GNB1: variants seen among roughly 807,000 people sequenced by gnomAD.
GNB1 encodes the protein guanine nucleotide-binding protein G(I)/G(S)/G(T) subunit beta-1.
GNB1 carries 2 observed loss-of-function variants against 42.9 expected under a neutral mutation model. The ratio of observed to expected loss-of-function variants is 0.05; its 90% CI spans 0.02 to 0.15. GNB1 has a LOEUF of 0.15. GNB1 is among the 10% of genes least tolerant of loss of function. The pLI is 1.00. For synonymous variants in GNB1, 183 were observed against 174.7 expected, an observed-to-expected ratio of 1.05 and a Z score of -0.38; for missense variants, 193 against 462.2, an observed-to-expected ratio of 0.42 and a Z score of 5.34.
At chr1:1,880,905 A>C (rs1178765552) in intron 1 of GNB1, among the ~76,000 whole-genome samples, 1 of 120,268 alleles carries the variant, frequency 8.3e-6, no homozygotes, top group Non-Finnish European at 1.8e-5. Flanking sequence ...AAGTGGGAAG[A>C]GCATTATCAG....
intron 5 of GNB1, among the ~76,000 whole-genome samples, chr1:1,807,683 C>T (rs1293370763): frequency 6.6e-6 from 1 of 151,628 alleles, no homozygotes; most frequent in African/African-American, 2.4e-5. Flanking sequence ...GAGCAGAGAC[C>T]AGTAACTATC....
intron 5 of GNB1, among the ~76,000 whole-genome samples, chr1:1,814,967 G>A (rs548390561): frequency 2.6e-4 from 40 of 151,824 alleles, no homozygotes; most frequent in Non-Finnish European, 2.7e-4. Flanking sequence ...AAAAAAATTA[G>A]CCAGTGTGGT....
chr1:1,884,745 C>T (rs1185265839), intron 1 of GNB1, among the ~76,000 whole-genome samples: 5 of 151,058 alleles, frequency 3.3e-5, no homozygotes, highest in East Asian at 2.0e-4. Context: ...TGCAGTGGCG[C>T]GATCTCCACT....
In GNB1 at chr1:1,815,360, C is replaced by A. The variant is rs78260311; in HGVS notation, c.203+396G>T. Among the ~76,000 whole-genome samples the A allele has an allele frequency of 1.3e-3, 196 of 152,266 alleles. 1 individual carries two copies. The highest frequency in any genetic ancestry group is 4.5e-3 in the African/African-American group (186 of 41,546). On this transcript the variant is annotated intron_variant, in intron 5 of 11. Coordinates refer to ENST00000378609, the MANE Select transcript of GNB1 (RefSeq NM_002074.5). ...GGTTCTGTGATTTCCTGAGCCAGGG[C>A]ACTGACATCACAAGAGGGCGAGGGC...
In GNB1 at chr1:1,879,872, G is replaced by A. The variant is rs1649746982; in HGVS notation, c.-96+10948C>T. 5.9e-5 allele frequency among the ~76,000 whole-genome samples: 9 copies of A among 152,248 alleles called. No individual in the cohort carries two copies. In the South Asian group the frequency reaches 1.9e-3, roughly 32 times the overall value. Reference sequence around the variant, plus strand: ...ATACACAGTTTTAGCTGAAGTCTAAGAGGAAAATTCAGTCTCACATAGATA... The same window carrying A: ...ATACACAGTTTTAGCTGAAGTCTAAAAGGAAAATTCAGTCTCACATAGATA... On this transcript the variant is annotated intron_variant, in intron 1 of 11. Coordinates refer to ENST00000378609, the MANE Select transcript of GNB1 (RefSeq NM_002074.5).
At chr1:1,842,702 G>A (rs1047453175) in intron 1 of GNB1, among the ~76,000 whole-genome samples, 2 of 152,172 alleles carry the variant, frequency 1.3e-5, no homozygotes, top group African/African-American at 4.8e-5. Flanking sequence ...AAATGTCATG[G>A]AATTAGCTAG....
intron 2 of GNB1, among the ~76,000 whole-genome samples, chr1:1,827,185 C>T (rs758700329): frequency 6.6e-6 from 1 of 152,314 alleles, no homozygotes; most frequent in African/African-American, 2.4e-5. Flanking sequence ...AGTTTCCAGT[C>T]TGAACTTTCC....
At position 1,819,828 on chromosome 1, in the gene GNB1, T is replaced by C. The variant is rs115468499; in HGVS notation, c.58-1953A>G. ...AAAGTGTTGGGATTATAGGGGAGAG[T>C]TACCATGCCCAGCTGACACTTTCTA... On this transcript the variant is annotated intron_variant, in intron 3 of 11. Coordinates refer to ENST00000378609, the MANE Select transcript of GNB1 (RefSeq NM_002074.5). Among the ~76,000 whole-genome samples the C allele has an allele frequency of 8.4e-3, 1,272 of 152,194 alleles. 22 individuals carry two copies. The highest frequency in any genetic ancestry group is 0.029 in the African/African-American group (1,221 of 41,532).
Position 1,790,123 on chromosome 1 carries a change from TCTTA to T in GNB1, c.699+268_699+271del. 6.6e-6 allele frequency among the ~76,000 whole-genome samples: 1 copy of T among 152,290 alleles called. No individual in the cohort carries two copies. The highest frequency in any genetic ancestry group is 1.9e-4 in the East Asian group (1 of 5,182). On this transcript the variant is annotated intron_variant, in intron 9 of 11. Coordinates refer to ENST00000378609, the MANE Select transcript of GNB1 (RefSeq NM_002074.5). This position sits in a 1 kb window ranked among gnomAD's most constrained non-coding sequence, Gnocchi z 5.4. The stretch of plus-strand genomic sequence containing the variant: ...CTGTAACCACTGGTGGCCTGAGTTA[TCTTA>T]CTGTCTTTCCCCTCCAGGATCCCAA...
chr1:1,810,948 G>A (rs563637650), intron 5 of GNB1, among the ~76,000 whole-genome samples: 3 of 151,758 alleles, frequency 2.0e-5, no homozygotes, highest in East Asian at 3.9e-4. Context: ...GATTATAGGC[G>A]TGAACCACGG....
At chr1:1,838,598 C>T (rs1647182725) in intron 2 of GNB1, among the ~76,000 whole-genome samples, 1 of 152,102 alleles carries the variant, frequency 6.6e-6, no homozygotes, top group African/African-American at 2.4e-5. Flanking sequence ...GCGCCCACCA[C>T]CGCACCCGGC....
intron 1 of GNB1, among the ~76,000 whole-genome samples, chr1:1,889,261 T>C (rs1037453322): frequency 3.7e-5 from 5 of 136,584 alleles, no homozygotes; most frequent in African/African-American, 1.2e-4. Context: ...ATTTTCTTAA[T>C]TAATAATCTC....
intron 1 of GNB1, among the ~76,000 whole-genome samples, chr1:1,842,077 G>A (rs1647261297): frequency 1.3e-5 from 2 of 152,212 alleles, no homozygotes. Context: ...GGAAGGTGAG[G>A]CGGGTGGATC....
intron 7 of GNB1, among the ~76,000 whole-genome samples, chr1:1,797,215 A>C (rs146960004): frequency 5.2e-4 from 79 of 152,238 alleles, no homozygotes; most frequent in African/African-American, 1.8e-3. Context: ...GTTTATAATA[A>C]ATTGTGGGAA....
Position 1,819,762 on chromosome 1 carries a change from T to A in GNB1, c.58-1887A>T, listed in dbSNP as rs552579797. On this transcript the variant is annotated intron_variant, in intron 3 of 11. Transcript: ENST00000378609. ...TCGTCATGTTGCCTGTGGCTGGTCTTGAACTCCTGGGCTCAAATGATCCTT... is the reference window on the plus strand; with the variant it reads ...TCGTCATGTTGCCTGTGGCTGGTCTAGAACTCCTGGGCTCAAATGATCCTT... Among the ~76,000 whole-genome samples the A allele has an allele frequency of 5.9e-5, 9 of 151,416 alleles. No individual in the cohort carries two copies. In the East Asian group the frequency reaches 1.8e-3, roughly 30 times the overall value.
At chr1:1,862,390 A>C (rs1230236051) in intron 1 of GNB1, among the ~76,000 whole-genome samples, 1 of 152,116 alleles carries the variant, frequency 6.6e-6, no homozygotes, top group African/African-American at 2.4e-5. Flanking sequence ...AAGTCCACCC[A>C]TTAACTTCTC....
At chr1:1,812,407 TACAC>T (rs4012956) in intron 5 of GNB1, among the ~76,000 whole-genome samples, 21 of 146,222 alleles carry the variant, frequency 1.4e-4, no homozygotes, top group Admixed American at 8.9e-4. Flanking sequence ...CACACATACA[TACAC>T]ACACACACAC....
At chr1:1,811,070 CAT>C (rs200813326) in intron 5 of GNB1, among the ~76,000 whole-genome samples, 1 of 50,406 alleles carries the variant, frequency 2.0e-5, no homozygotes, top group African/African-American at 5.2e-5. Flanking sequence ...TATATATATA[CAT>C]ATATATATAT....
At chr1:1,870,072 G>A (rs1289922272) in intron 1 of GNB1, among the ~76,000 whole-genome samples, 3 of 152,266 alleles carry the variant, frequency 2.0e-5, no homozygotes, top group East Asian at 3.9e-4. Context: ...TATTGGCCAG[G>A]CTGGTCTCGA....
Sources: allele counts gnomAD v4.1 joint callset (sites outside exome capture counted in the v4.1 genomes callset), GRCh38; gene constraint gnomAD v4.1.1; non-coding constraint Gnocchi (gnomAD v3.1); transcripts MANE v1.5; gene names NCBI Gene and HGNC (gene_info 2026-07-23, HGNC 2026-07-21).